Variants in DNAAF11 observed in about 807,000 individuals in gnomAD.
DNAAF11 encodes leucine rich repeat containing 6.
In DNAAF11, 45 loss-of-function variants were observed where a neutral mutation model predicts 60.8. The ratio of observed to expected loss-of-function variants is 0.74; its 90% CI spans 0.58 to 0.95. The LOEUF (loss-of-function observed/expected upper bound fraction) is 0.95, where lower values mean the gene tolerates loss of function less well. DNAAF11 is among the 40% of genes least tolerant of loss of function. The pLI is 0.00. For missense variants in DNAAF11, 546 were observed against 546.2 expected, an observed-to-expected ratio of 1.00 and a Z score of 0.00; for synonymous variants, 191 against 183.5, an observed-to-expected ratio of 1.04 and a Z score of -0.33.
intron 7 of DNAAF11, among the ~76,000 whole-genome samples, chr8:132,616,507 A>G (rs115674337): frequency 2.2e-3 from 336 of 152,274 alleles, no homozygotes; most frequent in African/African-American, 7.8e-3. Flanking sequence ...ACGCACTGAT[A>G]AAATGAGGGA....
chr8:132,682,734 A>G, the DNAAF11 span, among the ~76,000 whole-genome samples: 1 of 152,226 alleles, frequency 6.6e-6, no homozygotes, highest in South Asian at 2.1e-4. Context: ...TAATTTATAA[A>G]GAAAAAATAC....
At chr8:132,611,020 G>A (rs750807013) in intron 9 of DNAAF11, among the ~76,000 whole-genome samples, 9 of 152,000 alleles carry the variant, frequency 5.9e-5, no homozygotes, top group Non-Finnish European at 1.0e-4. Flanking sequence ...TCAATCTCCC[G>A]AGGAGCTGGG....
At chr8:132,675,675 G>A (rs565826690), upstream of DNAAF11, 82 of 532,846 alleles carry the variant, frequency 1.5e-4, 1 homozygote, top group African/African-American at 5.9e-4. Context: ...GGAGCAAGCA[G>A]AGGAGACCGC....
chr8:132,586,188 CAA>C (rs1309476401), intron 10 of DNAAF11, among the ~76,000 whole-genome samples: 2 of 152,176 alleles, frequency 1.3e-5, no homozygotes, highest in African/African-American at 4.8e-5. Context: ...AGGGAGGCAG[CAA>C]GACCTCCAAG....
At chr8:132,656,307 T>C (rs1406816526) in intron 3 of DNAAF11, among the ~76,000 whole-genome samples, 2 of 152,228 alleles carry the variant, frequency 1.3e-5, no homozygotes. Context: ...TAATTCTGGC[T>C]ACCTCTGAGG....
At chr8:132,597,421 C>G (rs969857873) in intron 10 of DNAAF11, among the ~76,000 whole-genome samples, 1 of 152,150 alleles carries the variant, frequency 6.6e-6, no homozygotes, top group African/African-American at 2.4e-5. Context: ...GGATCAAGGT[C>G]AGCTGTGCAG....
chr8:132,697,655 A>T, the DNAAF11 span, among the ~76,000 whole-genome samples: 1 of 152,080 alleles, frequency 6.6e-6, no homozygotes, highest in African/African-American at 2.4e-5. Flanking sequence ...AAAAATAAAG[A>T]AACTGATGGG....
rs139189744 is a variant in DNAAF11 at position 132,573,921 on chromosome 8, G to A, written c.1227-1441C>T. On this transcript the variant is annotated intron_variant, in intron 11 of 11. Transcript: ENST00000620350. Reference sequence around the variant, plus strand: ...GCCCAAACAGCATACCATAAACTCCGTATGCCACAGGAAGGAGAAGAAATG... The same window carrying A: ...GCCCAAACAGCATACCATAAACTCCATATGCCACAGGAAGGAGAAGAAATG... Among the ~76,000 whole-genome samples the A allele has an allele frequency of 4.9e-3, 753 of 152,266 alleles. 12 individuals are homozygous for A. Among genetic ancestry groups the A allele is most frequent in the African/African-American group, 0.017 (717 of 41,562 alleles).
intron 8 of DNAAF11, 59 bp from the exon 9 acceptor site, chr8:132,611,422 G>A (rs887560085): frequency 8.2e-5 from 82 of 1,000,930 alleles, no homozygotes; most frequent in Non-Finnish European, 1.2e-4. Context: ...TTGAATAAGT[G>A]CAAATATAAA....
chr8:132,657,027 T>C, intron 2 of DNAAF11, 120 bp from the exon 3 acceptor site: 1 of 473,122 alleles, frequency 2.1e-6, no homozygotes, highest in Non-Finnish European at 3.8e-6. Context: ...ATCAAAACCA[T>C]GTCACTTTTC....
intron 1 of DNAAF11, among the ~76,000 whole-genome samples, chr8:132,662,565 C>T (rs963483805): frequency 6.6e-6 from 1 of 152,252 alleles, no homozygotes; most frequent in Admixed American, 6.5e-5. Context: ...TACAAGGTGC[C>T]AGGTAGTATT....
chr8:132,639,631 G>A lies in DNAAF11; in HGVS notation c.257-1524C>T, dbSNP rs769508053. Among the ~76,000 whole-genome samples the A allele has an allele frequency of 9.9e-5, 15 of 152,054 alleles. No homozygotes were observed. The South Asian group carries it at 2.5e-3, about 25-fold the overall frequency. ...TTCACTAAATGATGGTGTTCTCTCCGTGTTCCTAGATCCTATCACCTGACT... is the reference window on the plus strand; with the variant it reads ...TTCACTAAATGATGGTGTTCTCTCCATGTTCCTAGATCCTATCACCTGACT... On this transcript the variant is annotated intron_variant, in intron 3 of 11. Transcript: ENST00000620350.
At chr8:132,588,425 C>G (rs1190891990) in intron 10 of DNAAF11, among the ~76,000 whole-genome samples, 1 of 152,178 alleles carries the variant, frequency 6.6e-6, no homozygotes, top group Non-Finnish European at 1.5e-5. Flanking sequence ...ACAGTTTCAA[C>G]TATTACCTCC....
At chr8:132,586,413 A>G (rs1815898788) in intron 10 of DNAAF11, among the ~76,000 whole-genome samples, 2 of 152,186 alleles carry the variant, frequency 1.3e-5, no homozygotes, top group Admixed American at 1.3e-4. Flanking sequence ...ATTTTAATTA[A>G]TTTGAATTTG....
In DNAAF11 at chr8:132,572,030, T is replaced by C. The variant is rs1175796219; in HGVS notation, c.*276A>G. The C allele has an allele frequency of 1.3e-5, 4 of 306,342 alleles. No individual in the cohort carries two copies. The highest frequency in any genetic ancestry group is 2.4e-5 in the Non-Finnish European group (4 of 168,968). 19.0% of individuals were successfully genotyped at this position (306,342 alleles called of 1,614,324 possible). On this transcript the variant is annotated 3_prime_UTR_variant, in exon 12 of 12. Coordinates refer to ENST00000620350, the MANE Select transcript of DNAAF11 (RefSeq NM_012472.6). ...ACTTTGCATAAGTAGACAGTATTTA[T>C]AATCAGTGTTTTATGCAATAGTTCT...
At chr8:132,697,029 A>ACCC in the DNAAF11 span, among the ~76,000 whole-genome samples, 3 of 152,234 alleles carry the variant, frequency 2.0e-5, no homozygotes, top group African/African-American at 7.2e-5. Context: ...CTGCACATGT[A>ACCC]CCCCTGAGCC....
chr8:132,680,422 A>C (rs573378367), upstream of DNAAF11, among the ~76,000 whole-genome samples: 98 of 152,278 alleles, frequency 6.4e-4, no homozygotes, highest in Non-Finnish European at 1.2e-3. Context: ...TAGTCCTCCT[A>C]CTTCTTTTAT....
rs145286311 is a variant in DNAAF11, at chr8:132,592,778, T to A, written c.1141-8999A>T. On this transcript the variant is annotated intron_variant, in intron 10 of 11. Transcript: ENST00000620350. ...AAGACAGTGGCAATAAAGACAAAGA[T>A]TGAATTTGAGGTATGAAGGAGGTAA... is the stretch of plus-strand genomic sequence containing the variant. Among the ~76,000 whole-genome samples the A allele has an allele frequency of 3.9e-3, 587 of 152,142 alleles. 11 individuals are homozygous for A. Among genetic ancestry groups the A allele is most frequent in the African/African-American group, 0.014 (569 of 41,522 alleles).
the DNAAF11 span, among the ~76,000 whole-genome samples, chr8:132,700,385 A>C: frequency 1.3e-5 from 2 of 152,070 alleles, no homozygotes; most frequent in African/African-American, 4.8e-5. Flanking sequence ...AAAGAGTCTG[A>C]TTGAGAGCTG....
Sources: allele counts gnomAD v4.1 joint callset (sites outside exome capture counted in the v4.1 genomes callset), GRCh38; gene constraint gnomAD v4.1.1; transcripts MANE v1.5; gene names NCBI Gene and HGNC (gene_info 2026-07-23, HGNC 2026-07-21).